The following PSKH1 variants were observed in gnomAD, a reference collection of about 807,000 sequenced individuals.
The protein encoded by PSKH1 is serine/threonine-protein kinase H1.
A neutral mutation model predicts 26.7 loss-of-function variants in PSKH1; 12 were observed. The observed-to-expected ratio is 0.45, with a 90% CI of 0.29 to 0.73. The LOEUF is 0.73. PSKH1 is among the 30% of genes least tolerant of loss of function. The pLI, the probability that PSKH1 is intolerant of heterozygous loss-of-function variation, is 0.11. For synonymous variants in PSKH1, 213 were observed against 234.3 expected (o/e 0.91, Z 0.83); for missense variants, 431 against 595.2 (o/e 0.72, Z 2.87).
chr16:67,923,168 A>G (rs1477788939), intron 2 of PSKH1, among the ~76,000 whole-genome samples: 5 of 152,176 alleles, frequency 3.3e-5, no homozygotes. Flanking sequence ...GCTTTGGCCC[A>G]GCATGGGTAG....
chr16:67,893,271 CG>C lies in PSKH1; in HGVS notation c.-170del, dbSNP rs1053164125. The C allele has an allele frequency of 6.2e-6, 1 of 162,464 alleles. No homozygotes were observed. Among genetic ancestry groups the C allele is most frequent in the African/African-American group, 2.5e-5 (1 of 40,194 alleles). 10.1% of individuals were successfully genotyped at this position (162,464 alleles called of 1,614,324 possible). A position where few individuals can be genotyped will look rare whatever the true frequency, so the allele number is the denominator to read the frequency against. ...GTGATGACGCCACGACGCTAACGCC[CG>C]AGAATGGCGGCGGCGGCGGCGGCGG... On this transcript the variant is annotated 5_prime_UTR_variant, in exon 1 of 3. Transcript: ENST00000291041.
chr16:67,911,412 G>A (rs2058172978), intron 2 of PSKH1, among the ~76,000 whole-genome samples: 1 of 152,054 alleles, frequency 6.6e-6, no homozygotes, highest in Admixed American at 6.5e-5. Context: ...GCCAGGTGCG[G>A]TGGCTCACGC....
At chr16:67,915,650 G>A (rs2058185814) in intron 2 of PSKH1, among the ~76,000 whole-genome samples, 1 of 152,122 alleles carries the variant, frequency 6.6e-6, no homozygotes, top group African/African-American at 2.4e-5. Context: ...GCATGGAGGT[G>A]AGGACAGACA....
At chr16:67,907,806 C>T (rs2058160788) in intron 1 of PSKH1, among the ~76,000 whole-genome samples, 1 of 152,062 alleles carries the variant, frequency 6.6e-6, no homozygotes, top group African/African-American at 2.4e-5. Flanking sequence ...GGGAGAGCCC[C>T]AGGGAAGTGG....
chr16:67,905,445 A>T (rs2058153555), intron 1 of PSKH1, among the ~76,000 whole-genome samples: 1 of 152,158 alleles, frequency 6.6e-6, no homozygotes, highest in Non-Finnish European at 1.5e-5. Flanking sequence ...CATCTGACTC[A>T]TTCTTGCTTC....
At chr16:67,920,996 A>G (rs1399215876) in intron 2 of PSKH1, among the ~76,000 whole-genome samples, 4 of 145,160 alleles carry the variant, frequency 2.8e-5, no homozygotes, top group African/African-American at 1.1e-4. Context: ...AAAAAAAAAA[A>G]AAGGCTGGGC....
At chr16:67,895,479 G>A (rs973798522) in intron 1 of PSKH1, among the ~76,000 whole-genome samples, 3 of 151,528 alleles carry the variant, frequency 2.0e-5, no homozygotes, top group Non-Finnish European at 4.4e-5. Context: ...TGCGATCTCG[G>A]CTCACTGCAA....
chr16:67,920,318 G>A (rs1437965275), intron 2 of PSKH1, among the ~76,000 whole-genome samples: 1 of 152,194 alleles, frequency 6.6e-6, no homozygotes, highest in Admixed American at 6.5e-5. Flanking sequence ...TTGGAGTGCA[G>A]TAGTGTGATT....
rs1179238638 is a variant in PSKH1, at chr16:67,915,169, A to ATGAG, written c.957+5471_957+5474dup. 2.2e-3 allele frequency among the ~76,000 whole-genome samples: 340 copies of ATGAG among 151,338 alleles called. 3 individuals carry two copies. The highest frequency in any genetic ancestry group is 4.0e-3 in the Non-Finnish European group (270 of 67,812). ...GGCAGGACTCTGCAGCTCACAGTGAATGAGTGAGTGAATGAGTGAGTGAGT... is the reference window on the plus strand; with the variant it reads ...GGCAGGACTCTGCAGCTCACAGTGAATGAGTGAGTGAGTGAATGAGTGAGTGAGT... On this transcript the variant is annotated intron_variant, in intron 2 of 2. Transcript: ENST00000291041.
rs1294967927 is a variant in PSKH1 at position 67,929,131 on chromosome 16, C to T, written c.*1489C>T. 1 of 152,710 alleles carries T rather than the reference C, an allele frequency of 6.5e-6. No individual in the cohort carries two copies. Among genetic ancestry groups the T allele is most frequent in the East Asian group, 1.9e-4 (1 of 5,196 alleles). 9.5% of individuals were successfully genotyped at this position (152,710 alleles called of 1,614,324 possible). ...ACAAACCAGGCTGGAACCCAAGCCC[C>T]TTCCTCCACAGCTGCCTTCAGTGGG... On this transcript the variant is annotated 3_prime_UTR_variant, in exon 3 of 3. Coordinates refer to ENST00000291041, the MANE Select transcript of PSKH1 (RefSeq NM_006742.3).
intron 1 of PSKH1, among the ~76,000 whole-genome samples, chr16:67,902,528 C>A (rs972103690): frequency 2.0e-5 from 3 of 152,046 alleles, no homozygotes; most frequent in Non-Finnish European, 2.9e-5. Context: ...AAACTCTTGA[C>A]CTTGTGATCC....
At position 67,927,109 on chromosome 16, in the gene PSKH1, G is replaced by C. The variant is rs190713170; in HGVS notation, c.958-216G>C. On this transcript the variant is annotated intron_variant, in intron 2 of 2. Coordinates refer to ENST00000291041, the MANE Select transcript of PSKH1 (RefSeq NM_006742.3). The surrounding 1 kb of genome is among the most constrained non-coding windows in gnomAD (Gnocchi z 5.5). ...ACCATAGAATTTGCTCCCTGGGAGA[G>C]TGCACAGGTCCTTTCCTTCCTTGCC... Among the ~76,000 whole-genome samples, 59 of 152,344 alleles carry C rather than the reference G, an allele frequency of 3.9e-4. No individual in the cohort carries two copies. Among genetic ancestry groups the C allele is most frequent in the Admixed American group, 3.5e-3 (54 of 15,300 alleles).
intron 2 of PSKH1, among the ~76,000 whole-genome samples, chr16:67,924,323 T>C (rs1195868108): frequency 6.6e-6 from 1 of 152,146 alleles, no homozygotes; most frequent in African/African-American, 2.4e-5. Context: ...GAGGCGAGAA[T>C]CTTGGGGAGC....
chr16:67,907,548 A>G (rs1169788705), intron 1 of PSKH1, among the ~76,000 whole-genome samples: 2 of 152,200 alleles, frequency 1.3e-5, no homozygotes, highest in Admixed American at 6.6e-5. Context: ...GGCATGAGCC[A>G]CTGTGCCCGG....
rs527336120 is a variant in PSKH1 at position 67,893,277 on chromosome 16, TGGC to T, written c.-140_-138del. The T allele has an allele frequency of 9.2e-3, 1,457 of 158,910 alleles. 16 individuals are homozygous for T. Among genetic ancestry groups the T allele is most frequent in the African/African-American group, 0.018 (731 of 40,786 alleles). The allele number at this position is 158,910 out of a possible 1,614,324, so 9.8% of individuals were successfully genotyped here. ...ACGCCACGACGCTAACGCCCGAGAA[TGGC>T]GGCGGCGGCGGCGGCGGCGGCGGCC... On this transcript the variant is annotated 5_prime_UTR_variant, in exon 1 of 3. Transcript: ENST00000291041.
intron 2 of PSKH1, among the ~76,000 whole-genome samples, chr16:67,921,691 C>G (rs926571602): frequency 6.6e-6 from 1 of 152,168 alleles, no homozygotes; most frequent in Admixed American, 6.5e-5. Flanking sequence ...CACGCTGCAG[C>G]AGGCTTCTAA....
rs757722054 is a variant in PSKH1, at chr16:67,927,295, C to G, written c.958-30C>G. ...GATGGGGTGGGCAGTGTCAGATGCT[C>G]TCACTCTAATGCTTGTCCTTGGTCT... On this transcript the variant is annotated intron_variant, in intron 2 of 2. Transcript: ENST00000291041. The surrounding 1 kb of genome is among the most constrained non-coding windows in gnomAD (Gnocchi z 5.5). The G allele has an allele frequency of 3.2e-6, 5 of 1,572,252 alleles. No homozygotes were observed. Among genetic ancestry groups the G allele is most frequent in the Admixed American group, 3.5e-5 (2 of 57,306 alleles).
rs755806534 is a variant in PSKH1 at position 67,909,529 on chromosome 16, G to A, written c.780G>A (p.Thr260=). Reference sequence around the variant, plus strand: ...GCTTGATGAAGACCACCTGTGGCACGCCTGAGTACATTGCCCCAGAAGTCC... The same window carrying A: ...GCTTGATGAAGACCACCTGTGGCACACCTGAGTACATTGCCCCAGAAGTCC... ...DDCLMKTTCG[T]PEYIAPEVLV... Residue 260 remains threonine, a synonymous_variant, in exon 2 of 3, where the codon ACG becomes ACA. Coordinates refer to ENST00000291041, the MANE Select transcript of PSKH1 (RefSeq NM_006742.3). This position sits in a 1 kb window ranked among gnomAD's most constrained non-coding sequence, Gnocchi z 7.8. The A allele has an allele frequency of 2.0e-5, 33 of 1,613,660 alleles. No individual in the cohort carries two copies. Among genetic ancestry groups the A allele is most frequent in the East Asian group, 4.5e-5 (2 of 44,890 alleles).
intron 1 of PSKH1, among the ~76,000 whole-genome samples, chr16:67,900,792 T>C (rs2058139570): frequency 6.6e-6 from 1 of 152,134 alleles, no homozygotes; most frequent in Admixed American, 6.5e-5. Flanking sequence ...AGGCAGACTC[T>C]AGAGAGTTGG....
Sources: gnomAD v4.1 joint callset for allele counts (sites outside exome capture counted in the v4.1 genomes callset) on GRCh38, gnomAD v4.1.1 for gene constraint, Gnocchi (gnomAD v3.1) non-coding constraint, MANE v1.5 for transcripts, NCBI Gene and HGNC (gene_info 2026-07-23, HGNC 2026-07-21) for gene names.